The following PRSS23 variants were observed in gnomAD, a reference collection of about 807,000 sequenced individuals.
PRSS23 encodes the protein serine protease 23.
A neutral mutation model predicts 34.7 loss-of-function variants in PRSS23; 25 were observed. That is an observed-to-expected ratio of 0.72 (90% CI 0.53 to 1.01). The LOEUF is 1.01. Among genes scored for constraint, PRSS23 ranks in the 50% least tolerant of loss-of-function variants. The probability of loss-of-function intolerance (pLI) is 0.00; values close to 1 mark genes in which losing one functional copy is unlikely to be tolerated. For missense variants in PRSS23, 445 were observed against 475.6 expected, an observed-to-expected ratio of 0.94 and a Z score of 0.60; for synonymous variants, 176 against 186.6, an observed-to-expected ratio of 0.94 and a Z score of 0.46.
exon 3 of PRSS23, chr11:86,951,302 A>G (rs1590943112): frequency 6.2e-7 from 1 of 1,614,216 alleles, no homozygotes; most frequent in Non-Finnish European, 8.5e-7. Context: ...GCCCACCAAC[A>G]AAGACATAAA....
intron 2 of PRSS23, among the ~76,000 whole-genome samples, chr11:86,898,568 G>A (rs771093359): frequency 2.0e-5 from 3 of 152,164 alleles, no homozygotes; most frequent in Non-Finnish European, 2.9e-5. Context: ...CAAATGAAGC[G>A]GAGCACCTTT....
chr11:86,800,983 G>A (rs1007445130), intron 1 of PRSS23, among the ~76,000 whole-genome samples: 1 of 152,082 alleles, frequency 6.6e-6, no homozygotes, highest in African/African-American at 2.4e-5. Flanking sequence ...CTTCGGCGGG[G>A]GCGATGGCTA....
chr11:86,945,578 A>G (rs1180263315), intron 2 of PRSS23: 3 of 152,252 alleles, frequency 2.0e-5, no homozygotes, highest in African/African-American at 4.8e-5. Flanking sequence ...GCAGTTCCCA[A>G]TCTGCCCTAC....
At chr11:86,853,272 TTTA>T in intron 2 of PRSS23, among the ~76,000 whole-genome samples, 1 of 102,628 alleles carries the variant, frequency 9.7e-6, no homozygotes, top group South Asian at 3.6e-4. Flanking sequence ...TTTTTTTTTT[TTTA>T]ATGGAGTCTC....
In PRSS23 at chr11:86,839,004, G is replaced by A. The variant is rs185148103; in HGVS notation, c.206+15411G>A. On this transcript the variant is annotated intron_variant, in intron 2 of 2. Transcript: ENST00000533902. ...TATGTCACCAATATCAAAGACCAAAGGTAGATAAAACCACAAAGATAGGGA... is the reference window on the plus strand; with the variant it reads ...TATGTCACCAATATCAAAGACCAAAAGTAGATAAAACCACAAAGATAGGGA... Among the ~76,000 whole-genome samples, 953 of 151,596 alleles carry A rather than the reference G, an allele frequency of 6.3e-3. 13 individuals are homozygous for A. Among genetic ancestry groups the A allele is most frequent in the African/African-American group, 0.022 (917 of 41,338 alleles).
chr11:86,834,085 G>A (rs1948383124), intron 2 of PRSS23, among the ~76,000 whole-genome samples: 1 of 152,166 alleles, frequency 6.6e-6, no homozygotes, highest in Admixed American at 6.5e-5. Context: ...TTAACAAGGA[G>A]GTTAGAGATA....
At chr11:86,839,697 A>G (rs187030367) in intron 2 of PRSS23, among the ~76,000 whole-genome samples, 2 of 152,092 alleles carry the variant, frequency 1.3e-5, no homozygotes, top group African/African-American at 4.8e-5. Flanking sequence ...AAGGCAGCCA[A>G]AGAGAAAGGT....
intron 2 of PRSS23, among the ~76,000 whole-genome samples, chr11:86,840,481 C>A (rs528428473): frequency 1.3e-5 from 2 of 152,032 alleles, no homozygotes; most frequent in Non-Finnish European, 2.9e-5. Context: ...TCCTTAGAGA[C>A]CTACAAAGAG....
intron 2 of PRSS23, among the ~76,000 whole-genome samples, chr11:86,848,219 A>T (rs1590892418): frequency 6.6e-6 from 1 of 152,254 alleles, no homozygotes. Context: ...CTTTGATCTA[A>T]CATGGAGAGA....
intron 2 of PRSS23, among the ~76,000 whole-genome samples, chr11:86,847,827 G>A (rs1948499096): frequency 6.6e-6 from 1 of 152,168 alleles, no homozygotes; most frequent in Admixed American, 6.5e-5. Flanking sequence ...GGTAAATGGA[G>A]TGAAGTCCCT....
intron 2 of PRSS23, among the ~76,000 whole-genome samples, chr11:86,824,247 G>A (rs528747154): frequency 2.1e-4 from 31 of 150,746 alleles, no homozygotes; most frequent in Non-Finnish European, 2.7e-4. Flanking sequence ...GGTGGAGATT[G>A]CAGTGAGCCA....
exon 3 of PRSS23, chr11:86,952,062 T>A (rs1003766881): frequency 6.2e-7 from 1 of 1,613,942 alleles, no homozygotes; most frequent in Non-Finnish European, 8.5e-7. Context: ...GCAGTGGAGA[T>A]GAAACACAGG....
At chr11:86,931,247 G>A (rs773287148) in intron 2 of PRSS23, among the ~76,000 whole-genome samples, 4 of 152,174 alleles carry the variant, frequency 2.6e-5, no homozygotes, top group Non-Finnish European at 4.4e-5. Flanking sequence ...ATTTATCCAA[G>A]TTAAATGAAA....
At chr11:86,868,474 C>T (rs781185570) in intron 2 of PRSS23, among the ~76,000 whole-genome samples, 21 of 152,002 alleles carry the variant, frequency 1.4e-4, no homozygotes, top group Non-Finnish European at 2.8e-4. Context: ...GGGGCTTGAC[C>T]GATATTAGGA....
At chr11:86,859,311 G>A (rs891694196) in intron 2 of PRSS23, among the ~76,000 whole-genome samples, 1 of 151,988 alleles carries the variant, frequency 6.6e-6, no homozygotes, top group Non-Finnish European at 1.5e-5. Flanking sequence ...ATACCGCAGA[G>A]GGTGTACACA....
rs550126770 is a variant in PRSS23 at position 86,823,528 on chromosome 11, A to G, written c.141A>G (p.Glu47=). 378 of 702,594 alleles carry G rather than the reference A, an allele frequency of 5.4e-4. 1 individual carries two copies. The African/African-American group carries it at 6.1e-3, about 11-fold the overall frequency. The allele number at this position is 702,594 out of a possible 1,614,324, so 43.5% of individuals were successfully genotyped here. The change falls in exon 2 of 3, where the codon GAA becomes GAG. Residue 47 remains glutamate, a synonymous_variant. Transcript: ENST00000533902. ...AACTAGGTTCCAGGACCTGGCTAGA[A>G]GCAGAGACACCAGGACAGAAAAGAC...
chr11:86,843,309 A>G (rs950620292), intron 2 of PRSS23, among the ~76,000 whole-genome samples: 1 of 152,264 alleles, frequency 6.6e-6, no homozygotes, highest in African/African-American at 2.4e-5. Flanking sequence ...ACCTAACACC[A>G]TAAAAATTCT....
chr11:86,952,185 A>G lies in PRSS23; in HGVS notation c.*900A>G. ...TTCAGGCTCCTTTTCACCCAGATGTACTGATCAGAATTGGTTCCCACAGAG... is the reference window on the plus strand; with the variant it reads ...TTCAGGCTCCTTTTCACCCAGATGTGCTGATCAGAATTGGTTCCCACAGAG... On this transcript the variant is annotated 3_prime_UTR_variant, in exon 3 of 3. Coordinates refer to the PRSS23 transcript ENST00000533902. 2.5e-6 allele frequency: 4 copies of G among 1,613,030 alleles called. No individual in the cohort carries two copies. Among genetic ancestry groups the G allele is most frequent in the Non-Finnish European group, 2.5e-6 (3 of 1,179,200 alleles).
At chr11:86,806,486 C>G (rs1440367550) in intron 1 of PRSS23, among the ~76,000 whole-genome samples, 3 of 152,192 alleles carry the variant, frequency 2.0e-5, no homozygotes, top group Non-Finnish European at 4.4e-5. Context: ...TTTACTAGGA[C>G]TCCTATTGCT....
Sources: gnomAD v4.1 joint callset for allele counts (sites outside exome capture counted in the v4.1 genomes callset) on GRCh38, gnomAD v4.1.1 for gene constraint, MANE v1.5 for transcripts, NCBI Gene and HGNC (gene_info 2026-07-23, HGNC 2026-07-21) for gene names.